The following TRIO variants were observed in gnomAD, a reference collection of about 807,000 sequenced individuals.
TRIO encodes the protein triple functional domain protein.
A neutral mutation model predicts 351.9 loss-of-function variants in TRIO; 58 were observed. The ratio of observed to expected loss-of-function variants is 0.16; its 90% CI spans 0.13 to 0.21. The LOEUF (loss-of-function observed/expected upper bound fraction) is 0.21. Among genes scored for constraint, TRIO ranks in the 10% least tolerant of loss-of-function variants. The pLI, the probability that TRIO is intolerant of heterozygous loss-of-function variation, is 1.00. For missense variants in TRIO, 3,201 were observed against 4,027.8 expected (o/e 0.79, Z 5.56); for synonymous variants, 1,758 against 1,595.7 (o/e 1.10, Z -2.42).
At chr5:14,156,708 TA>T (rs1423310611) in intron 1 of TRIO, among the ~76,000 whole-genome samples, 1 of 152,212 alleles carries the variant, frequency 6.6e-6, no homozygotes, top group Non-Finnish European at 1.5e-5. Context: ...ACCACGGTGA[TA>T]AATGAACCTC....
intron 9 of TRIO, among the ~76,000 whole-genome samples, chr5:14,321,190 T>C (rs963225720): frequency 6.6e-6 from 1 of 152,152 alleles, no homozygotes; most frequent in Non-Finnish European, 1.5e-5. Flanking sequence ...GTTTGAAGGA[T>C]GAGGAGAAGG....
intron 55 of TRIO, among the ~76,000 whole-genome samples, chr5:14,506,077 G>A (rs1757657757): frequency 1.3e-5 from 2 of 152,200 alleles, no homozygotes; most frequent in African/African-American, 4.8e-5. Flanking sequence ...CCTGGCCTGG[G>A]AGCCTCAGGA....
intron 8 of TRIO, among the ~76,000 whole-genome samples, chr5:14,306,161 G>A (rs751816856): frequency 1.2e-4 from 18 of 145,848 alleles, no homozygotes; most frequent in Non-Finnish European, 2.3e-4. Context: ...TCTCTTTCCC[G>A]TGGCAGTTGG....
At chr5:14,291,317 A>T in intron 5 of TRIO, 89 bp downstream of exon 5, 1 of 1,381,922 alleles carries the variant, frequency 7.2e-7, no homozygotes, top group Non-Finnish European at 9.9e-7. Context: ...AAGGTGGAGA[A>T]TGGTAAGGCT....
chr5:14,324,750 G>T (rs1740214451), intron 9 of TRIO, among the ~76,000 whole-genome samples: 1 of 152,100 alleles, frequency 6.6e-6, no homozygotes, highest in Non-Finnish European at 1.5e-5. Context: ...GCTTTTATTT[G>T]TGATTCAGAA....
At chr5:14,439,091 C>CTGCA (rs1751823888) in intron 34 of TRIO, among the ~76,000 whole-genome samples, 1 of 152,234 alleles carries the variant, frequency 6.6e-6, no homozygotes, top group Admixed American at 6.5e-5. Context: ...TCTCAGCTCA[C>CTGCA]TGCATCCTCC....
intron 34 of TRIO, among the ~76,000 whole-genome samples, chr5:14,434,424 G>A (rs1751423285): frequency 6.6e-6 from 1 of 150,916 alleles, no homozygotes; most frequent in Non-Finnish European, 1.5e-5. Context: ...ACTTTTTTCT[G>A]GTAACTTTTT....
chr5:14,327,790 G>A (rs1374389264), intron 9 of TRIO, among the ~76,000 whole-genome samples: 1 of 152,104 alleles, frequency 6.6e-6, no homozygotes, highest in Non-Finnish European at 1.5e-5. Flanking sequence ...CTTCTCTTTT[G>A]CATGGTTTGG....
Position 14,200,313 on chromosome 5 carries a change from C to T in TRIO, c.157+56431C>T, listed in dbSNP as rs139379406. Among the ~76,000 whole-genome samples, 129 of 152,342 alleles carry T rather than the reference C, an allele frequency of 8.5e-4. 2 individuals carry two copies. Among genetic ancestry groups the T allele is most frequent in the African/African-American group, 3.0e-3 (126 of 41,574 alleles). ...AGTGCCACCTGCTCAAGAGAGAAGG[C>T]TTCCTGCCCGCGCCCATGATGTAAG... On this transcript the variant is annotated intron_variant, in intron 1 of 56. Coordinates refer to ENST00000344204, the MANE Select transcript of TRIO (RefSeq NM_007118.4).
At chr5:14,232,089 A>G (rs902325356) in intron 1 of TRIO, among the ~76,000 whole-genome samples, 2 of 152,164 alleles carry the variant, frequency 1.3e-5, no homozygotes, top group African/African-American at 2.4e-5. Context: ...CATGGAGGGT[A>G]GGTCTCATTA....
rs1197598464 is a variant in TRIO, at chr5:14,143,411, G to GC, written c.-310dup. 6.7e-6 allele frequency among the ~76,000 whole-genome samples: 1 copy of GC among 149,906 alleles called. No homozygotes were observed. Among genetic ancestry groups the GC allele is most frequent in the Admixed American group, 6.6e-5 (1 of 15,104 alleles). On this transcript the variant is annotated 5_prime_UTR_variant, in exon 1 of 57. Transcript: ENST00000344204. ...ATCCCGGAGGTCTCGCCGGCCACGGGCCCCCGCCCTCGCGACTGCGCGTCC... is the reference window on the plus strand; with the variant it reads ...ATCCCGGAGGTCTCGCCGGCCACGGGCCCCCCGCCCTCGCGACTGCGCGTCC...
rs940415856 is a variant in TRIO at position 14,143,370 on chromosome 5, G to A, written c.-356G>A. 6.6e-5 allele frequency among the ~76,000 whole-genome samples: 10 copies of A among 150,780 alleles called. No homozygotes were observed. The highest frequency in any genetic ancestry group is 2.4e-4 in the African/African-American group (10 of 41,214). On this transcript the variant is annotated 5_prime_UTR_variant, in exon 1 of 57. Coordinates refer to ENST00000344204, the MANE Select transcript of TRIO (RefSeq NM_007118.4). ...GAAATCAAGATGGAGGCTCGCGGCA[G>A]CCGCCGGCGCCCGTGATCCCGGAGG...
In TRIO at chr5:14,496,779, C is replaced by A. The variant is rs538189687; in HGVS notation, c.7881-100C>A. The stretch of plus-strand genomic sequence containing the variant: ...GTAGAGGATTTCCCATCCCCCTGCA[C>A]ACACATACGTTGAATATTCAGCTTT... On this transcript the variant is annotated intron_variant, in intron 49 of 56. Transcript: ENST00000344204. 6.4e-5 allele frequency: 95 copies of A among 1,483,660 alleles called. No homozygotes were observed. In the Middle Eastern group the frequency reaches 1.4e-3, roughly 22 times the overall value. 91.9% of individuals were successfully genotyped at this position (1,483,660 alleles called of 1,614,324 possible).
At chr5:14,279,407 G>A (rs1203518751) in intron 2 of TRIO, among the ~76,000 whole-genome samples, 1 of 151,886 alleles carries the variant, frequency 6.6e-6, no homozygotes, top group Non-Finnish European at 1.5e-5. Context: ...ATGATTTTTG[G>A]TGCACAGAAA....
intron 1 of TRIO, among the ~76,000 whole-genome samples, chr5:14,228,740 GCTTT>G (rs1561226590): frequency 6.6e-6 from 1 of 152,090 alleles, no homozygotes; most frequent in African/African-American, 2.4e-5. Context: ...AGAAAAAAAG[GCTTT>G]CTGTTATTAA....
intron 16 of TRIO, among the ~76,000 whole-genome samples, chr5:14,367,219 C>T (rs1744679054): frequency 6.6e-6 from 1 of 152,076 alleles, no homozygotes; most frequent in South Asian, 2.1e-4. Context: ...TGCAAGGATC[C>T]CAAAGGTCTC....
At chr5:14,285,310 C>G (rs1053993926) in intron 3 of TRIO, among the ~76,000 whole-genome samples, 1 of 152,056 alleles carries the variant, frequency 6.6e-6, no homozygotes, top group African/African-American at 2.4e-5. Flanking sequence ...GATCTGTTTT[C>G]TCCTCCTGGC....
intron 33 of TRIO, among the ~76,000 whole-genome samples, chr5:14,409,192 G>A (rs1216229008): frequency 1.3e-5 from 2 of 152,150 alleles, no homozygotes; most frequent in Non-Finnish European, 2.9e-5. Flanking sequence ...GTGGCTGATT[G>A]GGATTCCCCA....
At chr5:14,504,643 AG>A (rs1458105757) in intron 55 of TRIO, 50 bp downstream of exon 55, 2 of 1,591,246 alleles carry the variant, frequency 1.3e-6, no homozygotes, top group Middle Eastern at 1.8e-4. Context: ...CCTCCACCTC[AG>A]GGGGTTTTGT....
Sources: allele counts gnomAD v4.1 joint callset (sites outside exome capture counted in the v4.1 genomes callset), GRCh38; gene constraint gnomAD v4.1.1; transcripts MANE v1.5; gene names NCBI Gene and HGNC (gene_info 2026-07-23, HGNC 2026-07-21).